The following LDB2 variants were observed in gnomAD, a reference collection of about 807,000 sequenced individuals.
LDB2 encodes the protein LIM domain binding 2.
LDB2 carries 12 observed loss-of-function variants against 44.3 expected under a neutral mutation model. That is an observed-to-expected ratio of 0.27 (90% CI 0.17 to 0.44). The LOEUF (loss-of-function observed/expected upper bound fraction) is 0.44, where lower values mean the gene tolerates loss of function less well. LDB2 is among the 20% of genes least tolerant of loss of function. The pLI is 1.00. For missense variants in LDB2, 344 were observed against 473.5 expected, an observed-to-expected ratio of 0.73 and a Z score of 2.54; for synonymous variants, 164 against 174.8, an observed-to-expected ratio of 0.94 and a Z score of 0.49.
chr4:16,861,207 C>CAA (rs1416469880), intron 1 of LDB2, among the ~76,000 whole-genome samples: 2 of 152,126 alleles, frequency 1.3e-5, no homozygotes, highest in Non-Finnish European at 2.9e-5. Context: ...CCAAACTGAT[C>CAA]AAAAGAGATG....
Position 16,684,544 on chromosome 4 carries a change from T to C in LDB2, c.235+74614A>G, listed in dbSNP as rs191958410. ...GGCTTATTGAGCTGCTGACAGAGTA[T>C]ATTTCTTGTTTTGTGGGAGAAAAAC... On this transcript the variant is annotated intron_variant, in intron 2 of 7. Transcript: ENST00000304523. Among the ~76,000 whole-genome samples the C allele has an allele frequency of 9.2e-5, 14 of 152,384 alleles. No individual in the cohort carries two copies. In the East Asian group the frequency reaches 2.7e-3, roughly 29 times the overall value.
chr4:16,885,337 T>TA (rs138372888), intron 1 of LDB2, among the ~76,000 whole-genome samples: 9,332 of 151,282 alleles, frequency 0.062, 514 homozygotes, highest in African/African-American at 0.13. Flanking sequence ...CTCAAAAAAA[T>TA]AAAAAAAGAA....
At chr4:16,615,757 T>G (rs1727122813) in intron 2 of LDB2, among the ~76,000 whole-genome samples, 1 of 152,020 alleles carries the variant, frequency 6.6e-6, no homozygotes, top group Non-Finnish European at 1.5e-5. Flanking sequence ...AAATAAAATT[T>G]TAAAAAAAGA....
At chr4:16,756,774 T>C (rs1766751074) in intron 2 of LDB2, among the ~76,000 whole-genome samples, 1 of 151,822 alleles carries the variant, frequency 6.6e-6, no homozygotes, top group African/African-American at 2.4e-5. Flanking sequence ...ATACAATAAA[T>C]AAATAAGCAG....
intron 1 of LDB2, among the ~76,000 whole-genome samples, chr4:16,853,044 G>A (rs1484226233): frequency 2.0e-5 from 3 of 152,072 alleles, no homozygotes; most frequent in Admixed American, 1.3e-4. Context: ...ATACCATCAC[G>A]TTTTCAAATA....
chr4:16,684,259 A>G (rs1440166976), intron 2 of LDB2, among the ~76,000 whole-genome samples: 1 of 152,232 alleles, frequency 6.6e-6, no homozygotes, highest in African/African-American at 2.4e-5. Context: ...AATAAACAGC[A>G]ACAGTCATGA....
chr4:16,543,856 T>G (rs1026751295), intron 5 of LDB2, among the ~76,000 whole-genome samples: 2 of 152,138 alleles, frequency 1.3e-5, no homozygotes, highest in African/African-American at 4.8e-5. Context: ...ATTTTTACAA[T>G]CTACCCACCT....
rs768921074 is a variant in LDB2, at chr4:16,690,459, C to CAGGAAGGAAGGAAGGAAGGAAGGA, written c.235+68698_235+68699insTCCTTCCTTCCTTCCTTCCTTCCT. ...CCTGGGCAACCGGAGGAAGACCCTGCAGGAAGGAAGGAAGGAAGGAAGGGA... is the reference window on the plus strand; with the variant it reads ...CCTGGGCAACCGGAGGAAGACCCTGCAGGAAGGAAGGAAGGAAGGAAGGAAGGAAGGAAGGAAGGAAGGAAGGGA... On this transcript the variant is annotated intron_variant, in intron 2 of 7. Transcript: ENST00000304523. Among the ~76,000 whole-genome samples, 20 of 50,302 alleles carry CAGGAAGGAAGGAAGGAAGGAAGGA rather than the reference C, an allele frequency of 4.0e-4. 1 individual carries two copies. Among genetic ancestry groups the CAGGAAGGAAGGAAGGAAGGAAGGA allele is most frequent in the Middle Eastern group, 0.01 (1 of 96 alleles). The allele number at this position is 50,302 out of a possible 152,430, so 33.0% of individuals were successfully genotyped here.
intron 4 of LDB2, among the ~76,000 whole-genome samples, chr4:16,586,240 T>C (rs1716751413): frequency 6.6e-6 from 1 of 152,162 alleles, no homozygotes; most frequent in African/African-American, 2.4e-5. Flanking sequence ...TCAGATGTGC[T>C]TTCAGTCCTT....
At chr4:16,679,931 C>T (rs1329952746) in intron 2 of LDB2, among the ~76,000 whole-genome samples, 1 of 152,136 alleles carries the variant, frequency 6.6e-6, no homozygotes, top group African/African-American at 2.4e-5. Flanking sequence ...TTCTCTTGTC[C>T]CTTTTCCTAA....
At chr4:16,894,556 C>T (rs1475146777) in intron 1 of LDB2, among the ~76,000 whole-genome samples, 2 of 152,134 alleles carry the variant, frequency 1.3e-5, no homozygotes, top group Non-Finnish European at 2.9e-5. Flanking sequence ...AGTACTTAGT[C>T]ACTTGCTTTC....
chr4:16,869,186 G>T (rs544700266), intron 1 of LDB2, among the ~76,000 whole-genome samples: 11 of 151,912 alleles, frequency 7.2e-5, no homozygotes, highest in Non-Finnish European at 1.6e-4. Flanking sequence ...GGAAGCTGGG[G>T]CCTAGAGAAG....
intron 1 of LDB2, among the ~76,000 whole-genome samples, chr4:16,867,044 A>G (rs775091591): frequency 2.6e-5 from 4 of 152,192 alleles, no homozygotes; most frequent in Admixed American, 6.5e-5. Flanking sequence ...CTGAAAGATA[A>G]TATGACTGCT....
At chr4:16,748,541 T>A (rs1416426706) in intron 2 of LDB2, among the ~76,000 whole-genome samples, 1 of 152,050 alleles carries the variant, frequency 6.6e-6, no homozygotes, top group Non-Finnish European at 1.5e-5. Flanking sequence ...CGTAGAAGAG[T>A]GCTAATTTAA....
chr4:16,662,036 T>G (rs577352581), intron 2 of LDB2, among the ~76,000 whole-genome samples: 2 of 152,296 alleles, frequency 1.3e-5, no homozygotes, highest in Admixed American at 6.5e-5. Context: ...TCTTTTCCCT[T>G]TCTATAGGGC....
Position 16,614,587 on chromosome 4 carries a change from A to C in LDB2, c.236-18712T>G, listed in dbSNP as rs796915349. On this transcript the variant is annotated intron_variant, in intron 2 of 7. Coordinates refer to ENST00000304523, the MANE Select transcript of LDB2 (RefSeq NM_001290.5). ...CACATTTACAAGAAAAAACAAAAAA[A>C]AAAAAAAAAAAAAACAAGCAACCCC... Among the ~76,000 whole-genome samples the C allele has an allele frequency of 2.2e-3, 339 of 150,972 alleles. 1 individual carries two copies. Among genetic ancestry groups the C allele is most frequent in the African/African-American group, 6.8e-3 (280 of 41,314 alleles).
intron 2 of LDB2, among the ~76,000 whole-genome samples, chr4:16,624,107 T>C (rs947409890): frequency 1.3e-5 from 2 of 152,254 alleles, no homozygotes; most frequent in African/African-American, 4.8e-5. Context: ...GGGATTTTTG[T>C]TATCTATGTA....
chr4:16,840,373 A>G (rs1248685088), intron 1 of LDB2, among the ~76,000 whole-genome samples: 1 of 152,260 alleles, frequency 6.6e-6, no homozygotes, highest in Non-Finnish European at 1.5e-5. Context: ...ACAATCTTTT[A>G]TCAATGAACC....
chr4:16,874,001 T>C (rs1448912463), intron 1 of LDB2, among the ~76,000 whole-genome samples: 1 of 152,202 alleles, frequency 6.6e-6, no homozygotes, highest in East Asian at 1.9e-4. Flanking sequence ...TTCATCCTTT[T>C]ATGGTCCCTA....
Sources: allele counts gnomAD v4.1 joint callset (sites outside exome capture counted in the v4.1 genomes callset), GRCh38; gene constraint gnomAD v4.1.1; transcripts MANE v1.5; gene names NCBI Gene and HGNC (gene_info 2026-07-23, HGNC 2026-07-21).